CFAP47: variants seen among roughly 807,000 people sequenced by gnomAD.
CFAP47 encodes the protein cilia- and flagella-associated protein 47.
In CFAP47, 29 loss-of-function variants were observed where a neutral mutation model predicts 148.1. The observed-to-expected ratio is 0.20, with a 90% confidence interval of 0.15 to 0.27. The LOEUF is 0.27. Among genes scored for constraint, CFAP47 ranks in the 10% least tolerant of loss-of-function variants. The probability of loss-of-function intolerance (pLI) is 1.00; values close to 1 mark genes in which losing one functional copy is unlikely to be tolerated. For missense variants in CFAP47, 1,872 were observed against 1,697.5 expected (o/e 1.10, Z -1.81); for synonymous variants, 664 against 577.3 (o/e 1.15, Z -2.15).
chrX:36,220,438 A>G (rs1940202677), intron 45 of CFAP47, among the ~76,000 whole-genome samples: 3 of 110,601 alleles, frequency 2.7e-5, no homozygotes, highest in African/African-American at 3.3e-5. Context: ...TATGTTATAT[A>G]TATATTTTTA....
At chrX:36,077,540 G>A (rs1937888858) in intron 29 of CFAP47, among the ~76,000 whole-genome samples, 1 of 109,466 alleles carries the variant, frequency 9.1e-6, no homozygotes, top group African/African-American at 3.3e-5. Flanking sequence ...ATTGTAAATA[G>A]GACTGCCTTC....
chrX:35,981,752 A>G (rs760247152), intron 15 of CFAP47, among the ~76,000 whole-genome samples: 1 of 111,523 alleles, frequency 9.0e-6, no homozygotes, highest in Non-Finnish European at 1.9e-5. Flanking sequence ...TTTAGCTCCT[A>G]GTTATAAATG....
chrX:36,359,000 A>C (rs1315351694), intron 60 of CFAP47, among the ~76,000 whole-genome samples: 2 of 111,968 alleles, frequency 1.8e-5, no homozygotes, highest in African/African-American at 6.5e-5. Flanking sequence ...TAGTTGTGGC[A>C]TTAGTAGTTA....
At chrX:35,952,321 A>G (rs1446292508) in intron 6 of CFAP47, among the ~76,000 whole-genome samples, 2 of 111,500 alleles carry the variant, frequency 1.8e-5, no homozygotes, top group Admixed American at 1.9e-4. Context: ...GGTCCCTCCA[A>G]AGAGGATGCA....
chrX:35,998,310 CT>C (rs986953252), intron 19 of CFAP47, among the ~76,000 whole-genome samples: 20 of 111,194 alleles, frequency 1.8e-4, no homozygotes, highest in African/African-American at 6.5e-4. Flanking sequence ...ACATACACCA[CT>C]TTTTTGTTGT....
chrX:36,016,701 CT>C (rs1281064323), intron 22 of CFAP47, among the ~76,000 whole-genome samples: 964 of 54,411 alleles, frequency 0.018, no homozygotes, highest in African/African-American at 0.031. Context: ...TTATGCCAGT[CT>C]TTTTTTTTTT....
chrX:36,370,535 G>T (rs1271383528), intron 62 of CFAP47, among the ~76,000 whole-genome samples: 1 of 110,200 alleles, frequency 9.1e-6, no homozygotes, highest in Non-Finnish European at 1.9e-5. Flanking sequence ...CTTCGCATGG[G>T]TTTATTTTCT....
At position 35,919,883 on chromosome X, in the gene CFAP47, C is replaced by T. The variant is rs1470705049; in HGVS notation, c.84C>T (p.Pro28=). The change falls in exon 1 of 64, where the codon CCC becomes CCT. Residue 28 remains proline, a synonymous_variant. Transcript: ENST00000378653. ...AMSIQRGSLV[P]RDMDSSGRDM... Reference sequence around the variant, plus strand: ...GCATCCAAAGGGGTTCCCTCGTCCCCCGGGATATGGATAGCTCGGGTAGAG... The same window carrying T: ...GCATCCAAAGGGGTTCCCTCGTCCCTCGGGATATGGATAGCTCGGGTAGAG... 2 of 1,210,962 alleles carry T rather than the reference C, an allele frequency of 1.7e-6. No homozygotes were observed. Among genetic ancestry groups the T allele is most frequent in the South Asian group, 3.5e-5 (2 of 56,800 alleles).
Position 36,161,956 on chromosome X carries a change from T to C in CFAP47, c.6026+1187T>C, listed in dbSNP as rs763679949. 8.0e-5 allele frequency among the ~76,000 whole-genome samples: 9 copies of C among 112,309 alleles called. No individual in the cohort carries two copies. In the East Asian group the frequency reaches 2.5e-3, roughly 31 times the overall value. ...GTATAAGAAACACAAAATTTTAGAA[T>C]ATATGGTGTGTTAACACAGTATTAA... On this transcript the variant is annotated intron_variant, in intron 39 of 63. Coordinates refer to ENST00000378653, the MANE Select transcript of CFAP47 (RefSeq NM_001304548.2).
chrX:36,267,031 TC>T (rs1476753143), intron 49 of CFAP47, among the ~76,000 whole-genome samples: 2 of 112,164 alleles, frequency 1.8e-5, no homozygotes, highest in African/African-American at 6.5e-5. Context: ...GAGAAGTTCT[TC>T]CTGGCTGTGT....
chrX:36,049,855 C>T (rs1205121337), intron 26 of CFAP47, among the ~76,000 whole-genome samples: 1 of 111,365 alleles, frequency 9.0e-6, no homozygotes, highest in African/African-American at 3.3e-5. Flanking sequence ...ATAATCCCCA[C>T]ATGTCATGGG....
At chrX:36,045,547 G>A (rs924429173) in intron 25 of CFAP47, among the ~76,000 whole-genome samples, 2 of 111,335 alleles carry the variant, frequency 1.8e-5, no homozygotes, top group Admixed American at 9.6e-5. Context: ...GGTGATGAAT[G>A]CTGCCAGGAC....
At chrX:35,924,155 A>G (rs1935659852) in intron 1 of CFAP47, among the ~76,000 whole-genome samples, 1 of 87,045 alleles carries the variant, frequency 1.1e-5, no homozygotes, top group African/African-American at 5.5e-5. Context: ...GTATGCGTAC[A>G]TATATGTATA....
At chrX:36,296,026 G>A (rs1053236714) in intron 51 of CFAP47, among the ~76,000 whole-genome samples, 8 of 111,749 alleles carry the variant, frequency 7.2e-5, no homozygotes, top group African/African-American at 1.6e-4. Context: ...TACTGGTAGC[G>A]CTAAGCATTC....
At position 36,099,996 on chromosome X, in the gene CFAP47, A is replaced by AT. The variant is rs201260518; in HGVS notation, c.5127+126dup. 1.0e-2 allele frequency: 3,945 copies of AT among 394,567 alleles called. 121 individuals carry two copies. The highest frequency in any genetic ancestry group is 0.085 in the African/African-American group (3,209 of 37,664). 32.5% of individuals were successfully genotyped at this position (394,567 alleles called of 1,213,427 possible). A position where few individuals can be genotyped will look rare whatever the true frequency, so the allele number is the denominator to read the frequency against. ...AAAAACACAGTGCCTTAAATGAGAG[A>AT]TTTTTTTTTATTGCTTTCTCATGGA... is the stretch of plus-strand genomic sequence containing the variant. On this transcript the variant is annotated intron_variant, in intron 32 of 63. Coordinates refer to ENST00000378653, the MANE Select transcript of CFAP47 (RefSeq NM_001304548.2).
At chrX:36,158,585 A>G (rs1939395144) in intron 37 of CFAP47, among the ~76,000 whole-genome samples, 1 of 111,973 alleles carries the variant, frequency 8.9e-6, no homozygotes, top group Non-Finnish European at 1.9e-5. Flanking sequence ...CTGTAACTCT[A>G]TCCTAAAAGG....
intron 63 of CFAP47, among the ~76,000 whole-genome samples, chrX:36,380,094 C>T (rs782443472): frequency 8.9e-6 from 1 of 112,058 alleles, no homozygotes; most frequent in African/African-American, 3.2e-5. Flanking sequence ...TAAAGTTTCA[C>T]ACATATTTTA....
intron 29 of CFAP47, among the ~76,000 whole-genome samples, chrX:36,075,288 C>T (rs956455057): frequency 1.3e-4 from 14 of 108,834 alleles, no homozygotes; most frequent in Non-Finnish European, 7.6e-5. Flanking sequence ...GGTGTAGTGG[C>T]GCAATCTCGG....
chrX:36,144,807 T>A, intron 35 of CFAP47: 1 of 1,024,976 alleles, frequency 9.8e-7, no homozygotes, highest in Non-Finnish European at 1.3e-6. Flanking sequence ...CTTGGACATC[T>A]GATTCCAGGT....
Sources: gnomAD v4.1 joint callset for allele counts (sites outside exome capture counted in the v4.1 genomes callset) on GRCh38, gnomAD v4.1.1 for gene constraint, MANE v1.5 for transcripts, NCBI Gene and HGNC (gene_info 2026-07-23, HGNC 2026-07-21) for gene names.